Variants in C3orf20 observed in about 807,000 individuals in gnomAD.
The protein encoded by C3orf20 is family with sequence similarity 149 member C, also known as uncharacterized protein C3orf20.
A neutral mutation model predicts 88.3 loss-of-function variants in C3orf20; 76 were observed. The ratio of observed to expected loss-of-function variants is 0.86; its 90% confidence interval spans 0.72 to 1.04. The LOEUF (loss-of-function observed/expected upper bound fraction) is 1.04. Ranked by LOEUF, C3orf20 falls within the 50% of genes least tolerant of loss-of-function variation. The probability of loss-of-function intolerance (pLI) is 0.00; values close to 1 mark genes in which losing one functional copy is unlikely to be tolerated. For missense variants in C3orf20, 1,056 were observed against 1,123.3 expected, an observed-to-expected ratio of 0.94 and a Z score of 0.86; for synonymous variants, 436 against 437.4, an observed-to-expected ratio of 1.00 and a Z score of 0.04.
intron 12 of C3orf20, among the ~76,000 whole-genome samples, chr3:14,746,618 G>A (rs141948191): frequency 6.6e-6 from 1 of 152,182 alleles, no homozygotes; most frequent in Non-Finnish European, 1.5e-5. Context: ...TGTCAGGATG[G>A]ACCTGTTCCA....
chr3:14,728,439 G>T lies in C3orf20; in HGVS notation c.1691G>T (p.Gly564Val). Residue 564 changes from glycine to valine, a missense_variant and splice_region_variant, in exon 12 of 17, where the codon GGT becomes GTT. Coordinates refer to ENST00000253697, the MANE Select transcript of C3orf20 (RefSeq NM_032137.5). ...TGACAGCAGCATCTTCTGTTAACAGGTCTGTTTACCATTGAATATCCCACC... is the reference window on the plus strand; with the variant it reads ...TGACAGCAGCATCTTCTGTTAACAGTTCTGTTTACCATTGAATATCCCACC... ...QFINSILLAA[G>V]LFTIEYPTKK... 3 of 1,614,134 alleles carry T rather than the reference G, an allele frequency of 1.9e-6. No individual in the cohort carries two copies. Among genetic ancestry groups the T allele is most frequent in the Non-Finnish European group, 2.5e-6 (3 of 1,180,022 alleles).
chr3:14,718,216 ATGT>A (rs2034010593), intron 9 of C3orf20, among the ~76,000 whole-genome samples: 1 of 152,034 alleles, frequency 6.6e-6, no homozygotes, highest in Non-Finnish European at 1.5e-5. Flanking sequence ...AAGCTCTCTT[ATGT>A]TGTTGTTATT....
intron 12 of C3orf20, among the ~76,000 whole-genome samples, chr3:14,733,456 TTATC>T (rs1050844348): frequency 6.6e-6 from 1 of 152,230 alleles, no homozygotes; most frequent in Non-Finnish European, 1.5e-5. Context: ...TATTTCTTCT[TTATC>T]TATTATATGG....
At chr3:14,755,000 C>T (rs529410393) in intron 12 of C3orf20, among the ~76,000 whole-genome samples, 5 of 152,310 alleles carry the variant, frequency 3.3e-5, no homozygotes, top group African/African-American at 1.2e-4. Flanking sequence ...GCTGAGATTA[C>T]AGGTGTGAGC....
chr3:14,705,709 A>G (rs984034168), intron 7 of C3orf20, among the ~76,000 whole-genome samples: 2 of 152,228 alleles, frequency 1.3e-5, no homozygotes, highest in African/African-American at 2.4e-5. Flanking sequence ...AAGGACTCTG[A>G]GGCCAGAGAG....
intron 14 of C3orf20, 71 bp from the exon 15 acceptor site, chr3:14,761,402 G>A (rs1575161974): frequency 5.7e-6 from 9 of 1,574,974 alleles, no homozygotes; most frequent in Non-Finnish European, 7.9e-6. Flanking sequence ...TTCCAAACTT[G>A]CCTGTCTTAT....
chr3:14,681,999 T>C (rs1200361182), intron 1 of C3orf20, among the ~76,000 whole-genome samples, 171 bp from the exon 2 acceptor site: 1 of 152,244 alleles, frequency 6.6e-6, no homozygotes, highest in Non-Finnish European at 1.5e-5. Flanking sequence ...CTTTAACATC[T>C]CTGAAATTGT....
intron 1 of C3orf20, among the ~76,000 whole-genome samples, chr3:14,679,987 G>C (rs2031999440): frequency 6.6e-6 from 1 of 152,170 alleles, no homozygotes; most frequent in South Asian, 2.1e-4. Flanking sequence ...CATCTACCAG[G>C]ATAGCACTAG....
intron 3 of C3orf20, 101 bp from the exon 4 acceptor site, chr3:14,684,141 C>G: frequency 6.7e-7 from 1 of 1,493,724 alleles, no homozygotes; most frequent in Non-Finnish European, 9.1e-7. Context: ...GAATAGCGCT[C>G]TACTCTACCC....
chr3:14,686,139 C>T (rs1284217752), intron 4 of C3orf20, among the ~76,000 whole-genome samples: 1 of 152,018 alleles, frequency 6.6e-6, no homozygotes, highest in Non-Finnish European at 1.5e-5. Context: ...GGATTGCAGG[C>T]GTGAGCCACC....
chr3:14,700,046 A>T (rs1191587778), intron 5 of C3orf20, among the ~76,000 whole-genome samples: 1 of 152,184 alleles, frequency 6.6e-6, no homozygotes, highest in Non-Finnish European at 1.5e-5. Flanking sequence ...CACTGAGTTC[A>T]ATGTAAAGTC....
chr3:14,738,738 T>TCAAGCGACTCTCCTGCCTC (rs199500813), intron 12 of C3orf20, among the ~76,000 whole-genome samples: 25,709 of 143,120 alleles, frequency 0.18, 2,487 homozygotes, highest in South Asian at 0.31. Flanking sequence ...GCTCCTGGGT[T>TCAAGCGACTCTCCTGCCTC]CAAGCGACTC....
chr3:14,715,482 G>A (rs574080171), intron 9 of C3orf20, 73 bp downstream of exon 9: 21 of 1,529,662 alleles, frequency 1.4e-5, no homozygotes, highest in Admixed American at 9.4e-5. Context: ...ATCCTGCCAT[G>A]CACTGCCTAG....
At chr3:14,755,083 C>T (rs925228691) in intron 12 of C3orf20, among the ~76,000 whole-genome samples, 1 of 152,040 alleles carries the variant, frequency 6.6e-6, no homozygotes, top group African/African-American at 2.4e-5. Context: ...TTGTTCACTA[C>T]CTTTGTCCAT....
In C3orf20 at chr3:14,690,110, A is replaced by G. The variant is rs374809461; in HGVS notation, c.739A>G (p.Lys247Glu). ...CTCTGCTGGAAAAGAAGCCAAGAAGAAAATAGGTAAAAATGGTTCCTCGTG... is the reference window on the plus strand; with the variant it reads ...CTCTGCTGGAAAAGAAGCCAAGAAGGAAATAGGTAAAAATGGTTCCTCGTG... Reference protein sequence around the residue: ...SLSAGKEAKKKIGKSRTTEDV... With the variant: ...SLSAGKEAKKEIGKSRTTEDV... Residue 247 changes from lysine (K) to glutamate (E), a missense_variant, in exon 5 of 17, where the codon AAA becomes GAA. By Grantham distance (56) the Lys-to-Glu change is moderately conservative. Coordinates refer to ENST00000253697, the MANE Select transcript of C3orf20 (RefSeq NM_032137.5). 16 of 1,614,016 alleles carry G rather than the reference A, an allele frequency of 9.9e-6. No homozygotes were observed. Among genetic ancestry groups the G allele is most frequent in the Non-Finnish European group, 1.0e-5 (12 of 1,180,004 alleles).
intron 7 of C3orf20, 35 bp downstream of exon 7, chr3:14,704,653 G>T (rs1256042706): frequency 6.2e-7 from 1 of 1,602,090 alleles, no homozygotes. Flanking sequence ...TATCTCCCCA[G>T]CTACTCAACC....
chr3:14,767,645 A>G (rs896120147), intron 15 of C3orf20, among the ~76,000 whole-genome samples: 1 of 152,246 alleles, frequency 6.6e-6, no homozygotes, highest in Non-Finnish European at 1.5e-5. Context: ...GCACCCAGTA[A>G]GCCACAGAGT....
Position 14,682,948 on chromosome 3 carries a change from G to T in C3orf20, c.235G>T (p.Val79Leu). 2 of 1,614,144 alleles carry T rather than the reference G, an allele frequency of 1.2e-6. No homozygotes were observed. Among genetic ancestry groups the T allele is most frequent in the Non-Finnish European group, 1.7e-6 (2 of 1,180,024 alleles). Residue 79 changes from valine (V) to leucine (L), a missense_variant, in exon 3 of 17, where the codon GTG becomes TTG. By Grantham distance (32) the Val-to-Leu change is conservative. Transcript: ENST00000253697. The stretch of plus-strand genomic sequence containing the variant: ...GGTCAGCTTTGGAGCCCCCCTGGTG[G>T]TGCTCATGGAACCCACCTTTGTGCA... The part of the protein sequence containing the change: ...LEVSFGAPLV[V>L]LMEPTFVQVP...
chr3:14,766,324 C>T (rs1258743604), intron 15 of C3orf20, among the ~76,000 whole-genome samples: 1 of 152,208 alleles, frequency 6.6e-6, no homozygotes, highest in East Asian at 1.9e-4. Flanking sequence ...CCGGAGAGGC[C>T]AAGAGCTCAT....
Sources: allele counts gnomAD v4.1 joint callset (sites outside exome capture counted in the v4.1 genomes callset), GRCh38; gene constraint gnomAD v4.1.1; transcripts MANE v1.5; gene names NCBI Gene and HGNC (gene_info 2026-07-23, HGNC 2026-07-21).